Variants in HCK observed in about 807,000 individuals in gnomAD.
HCK encodes the protein tyrosine-protein kinase HCK.
HCK carries 40 observed loss-of-function variants against 70.4 expected under a neutral mutation model. The ratio of observed to expected loss-of-function variants is 0.57; its 90% CI spans 0.44 to 0.74. The LOEUF is 0.74. HCK is among the 30% of genes least tolerant of loss of function. HCK has a pLI of 0.00. For synonymous variants in HCK, 245 were observed against 263.2 expected (o/e 0.93, Z 0.67); for missense variants, 568 against 697.2 (o/e 0.81, Z 2.09).
At chr20:32,077,421 C>T (rs2045643061) in intron 5 of HCK, among the ~76,000 whole-genome samples, 1 of 152,346 alleles carries the variant, frequency 6.6e-6, no homozygotes, top group African/African-American at 2.4e-5. Flanking sequence ...TAAGAAAAGA[C>T]ATCTCTTCCC....
At chr20:32,080,079 TAGCTGCC>T (rs1387877154) in intron 6 of HCK, among the ~76,000 whole-genome samples, 3 of 152,216 alleles carry the variant, frequency 2.0e-5, no homozygotes, top group Non-Finnish European at 4.4e-5. Flanking sequence ...TTATCCACCA[TAGCTGCC>T]AGCTTAGGTC....
intron 10 of HCK, among the ~76,000 whole-genome samples, chr20:32,093,522 T>TGTGTGTGTGTGC (rs58517209): frequency 1.0e-4 from 15 of 149,880 alleles, no homozygotes; most frequent in Non-Finnish European, 1.9e-4. Flanking sequence ...TGTGTGTGTG[T>TGTGTGTGTGTGC]GCATGTGCAC....
intron 1 of HCK, among the ~76,000 whole-genome samples, chr20:32,056,552 T>C (rs1181765790): frequency 6.6e-6 from 1 of 152,200 alleles, no homozygotes; most frequent in African/African-American, 2.4e-5. Flanking sequence ...CTTTAACTTT[T>C]TGAGGAACTG....
At chr20:32,059,183 C>T (rs1056757865) in intron 1 of HCK, among the ~76,000 whole-genome samples, 1 of 152,194 alleles carries the variant, frequency 6.6e-6, no homozygotes, top group Non-Finnish European at 1.5e-5. Context: ...AGGCCAAATG[C>T]TGGCAGAGGA....
chr20:32,098,344 T>A (rs529811198), intron 11 of HCK, among the ~76,000 whole-genome samples: 2 of 152,246 alleles, frequency 1.3e-5, no homozygotes, highest in African/African-American at 4.8e-5. Flanking sequence ...AAAATTTTTT[T>A]AATTAGCTTG....
chr20:32,090,719 T>C (rs2045853325), intron 10 of HCK, among the ~76,000 whole-genome samples: 1 of 152,164 alleles, frequency 6.6e-6, no homozygotes. Context: ...TCTCACCGCC[T>C]TTATCAACCC....
intron 1 of HCK, among the ~76,000 whole-genome samples, chr20:32,059,495 TTCTC>T (rs935405245): frequency 3.9e-5 from 2 of 51,090 alleles, no homozygotes; most frequent in Non-Finnish European, 7.5e-5. Flanking sequence ...TCTTTCTTGC[TTCTC>T]TCTCTCTCTC....
intron 11 of HCK, among the ~76,000 whole-genome samples, chr20:32,097,147 G>C (rs911173518): frequency 2.6e-5 from 4 of 152,036 alleles, no homozygotes; most frequent in African/African-American, 9.7e-5. Context: ...AGGCGTGGTG[G>C]TGTGAGCCTG....
chr20:32,093,240 C>T (rs555964284), intron 10 of HCK, among the ~76,000 whole-genome samples: 1 of 152,212 alleles, frequency 6.6e-6, no homozygotes, highest in African/African-American at 2.4e-5. Flanking sequence ...CCACCATGCC[C>T]GGCCTGTTTT....
intron 1 of HCK, among the ~76,000 whole-genome samples, chr20:32,065,013 A>G (rs941708918): frequency 1.3e-5 from 2 of 152,236 alleles, no homozygotes; most frequent in African/African-American, 4.8e-5. Context: ...CAGAAGTTTT[A>G]TACAGTCCTT....
At chr20:32,097,433 G>C (rs111226194) in intron 11 of HCK, among the ~76,000 whole-genome samples, 1 of 152,072 alleles carries the variant, frequency 6.6e-6, no homozygotes. Flanking sequence ...CAAAAAATTA[G>C]CCAGGCGTGG....
chr20:32,076,763 G>A (rs1303542468), intron 5 of HCK, among the ~76,000 whole-genome samples: 1 of 152,108 alleles, frequency 6.6e-6, no homozygotes, highest in Non-Finnish European at 1.5e-5. Flanking sequence ...TGCTGCTCCA[G>A]GGACCCAGCT....
rs531549014 is a variant in HCK at position 32,080,584 on chromosome 20, C to T, written c.532+707C>T. ...TCTCAGCTCACTGCAACTTCTGCCT[C>T]CTGGGCTCAAATGATTCTCCCATCT... is the stretch of plus-strand genomic sequence containing the variant. On this transcript the variant is annotated intron_variant, in intron 6 of 12. Coordinates refer to ENST00000375852, the MANE Select transcript of HCK (RefSeq NM_002110.5). 1.4e-3 allele frequency among the ~76,000 whole-genome samples: 207 copies of T among 152,308 alleles called. 8 individuals carry two copies. In the South Asian group the frequency reaches 0.041, roughly 30 times the overall value.
chr20:32,071,884 G>A, intron 2 of HCK, 102 bp downstream of exon 2: 1 of 1,430,290 alleles, frequency 7.0e-7, no homozygotes, highest in South Asian at 1.4e-5. Context: ...GGTGAGCTTG[G>A]GGTGAAAGGG....
intron 1 of HCK, chr20:32,069,763 T>C: frequency 7.8e-7 from 1 of 1,278,824 alleles, no homozygotes; most frequent in Non-Finnish European, 1.0e-6. Flanking sequence ...TAAATCCTTG[T>C]AAATAAAAGG....
At chr20:32,069,010 G>A (rs893990677) in intron 1 of HCK, among the ~76,000 whole-genome samples, 47 of 152,176 alleles carry the variant, frequency 3.1e-4, no homozygotes, top group Admixed American at 2.8e-3. Flanking sequence ...TAAAAAAAGC[G>A]AACTTCTCCA....
At chr20:32,078,880 G>T (rs6087815) in intron 5 of HCK, among the ~76,000 whole-genome samples, 3 of 113,536 alleles carry the variant, frequency 2.6e-5, no homozygotes, top group Non-Finnish European at 5.0e-5. Context: ...AAAAAAAAAA[G>T]GGGGGGAATG....
rs2045184203 is a variant in HCK at position 32,052,357 on chromosome 20, C to T, written c.-68C>T. On this transcript the variant is annotated 5_prime_UTR_variant, in exon 1 of 13. Coordinates refer to ENST00000375852, the MANE Select transcript of HCK (RefSeq NM_002110.5). ...GGCACCAAAGCCCCTCAGAGCGTCG[C>T]CCCCGCCTCTAGTTCTAGAAAGTCA... The T allele has an allele frequency of 2.6e-6, 3 of 1,150,894 alleles. No individual in the cohort carries two copies. Among genetic ancestry groups the T allele is most frequent in the Admixed American group, 8.4e-5 (2 of 23,800 alleles). 71.3% of individuals were successfully genotyped at this position (1,150,894 alleles called of 1,614,324 possible).
intron 8 of HCK, among the ~76,000 whole-genome samples, chr20:32,086,195 A>G (rs1042492057): frequency 2.0e-5 from 3 of 151,968 alleles, no homozygotes; most frequent in African/African-American, 7.3e-5. Context: ...AATTTTTTGT[A>G]TTTTTAGTAG....
Sources: gnomAD v4.1 joint callset for allele counts (sites outside exome capture counted in the v4.1 genomes callset) on GRCh38, gnomAD v4.1.1 for gene constraint, MANE v1.5 for transcripts, NCBI Gene and HGNC (gene_info 2026-07-23, HGNC 2026-07-21) for gene names.